OTUD7A: variants seen among roughly 807,000 people sequenced by gnomAD.
OTUD7A encodes OTU deubiquitinase 7A, also known as OTU domain-containing protein 7A.
Under a neutral mutation model 65.7 loss-of-function variants are expected in OTUD7A, and 12 were observed. The ratio of observed to expected loss-of-function variants is 0.18; its 90% CI spans 0.12 to 0.30. The LOEUF (loss-of-function observed/expected upper bound fraction) is 0.30, where lower values mean the gene tolerates loss of function less well. Ranked by LOEUF, OTUD7A falls within the 10% of genes least tolerant of loss-of-function variation. OTUD7A has a pLI of 1.00. For synonymous variants in OTUD7A, 641 were observed against 586.3 expected, an observed-to-expected ratio of 1.09 and a Z score of -1.35; for missense variants, 1,148 against 1,304.8, an observed-to-expected ratio of 0.88 and a Z score of 1.85.
At chr15:31,620,295 A>G (rs1274873582) in intron 3 of OTUD7A, among the ~76,000 whole-genome samples, 9 of 151,970 alleles carry the variant, frequency 5.9e-5, no homozygotes, top group South Asian at 2.1e-4. Context: ...ATGAGTTAGG[A>G]AGGATTCCCT....
At chr15:31,508,252 T>A (rs977974965) in intron 8 of OTUD7A, among the ~76,000 whole-genome samples, 2 of 152,342 alleles carry the variant, frequency 1.3e-5, no homozygotes, top group East Asian at 3.9e-4. Flanking sequence ...AGTGGGTCCT[T>A]TTTTTCTTGG....
intron 1 of OTUD7A, among the ~76,000 whole-genome samples, chr15:31,702,825 A>C (rs1893243796): frequency 6.6e-6 from 1 of 151,184 alleles, no homozygotes; most frequent in African/African-American, 2.4e-5. Flanking sequence ...TAAAGTGAGA[A>C]GAATCAATCT....
At chr15:31,502,919 G>A (rs532491875) in intron 9 of OTUD7A, among the ~76,000 whole-genome samples, 2 of 152,328 alleles carry the variant, frequency 1.3e-5, no homozygotes, top group South Asian at 2.1e-4. Context: ...GTGATTTAGC[G>A]TGAAGAGCCA....
In OTUD7A at chr15:31,484,259, C is replaced by A; in HGVS notation, c.1837G>T (p.Gly613Trp). The A allele has an allele frequency of 6.3e-7, 1 of 1,596,254 alleles. No homozygotes were observed. Among genetic ancestry groups the A allele is most frequent in the Non-Finnish European group, 8.5e-7 (1 of 1,174,404 alleles). ...TACTTCCAGGCGTCGCCCCGCGGCC[C>A]ACCGCCCTTCTCCGCCGGCGACGCG... ...AGASPAEKGG[G>W]PRGDAWKYST... The change falls in exon 13 of 13, where the codon GGG becomes TGG. Residue 613 changes from glycine (G) to tryptophan (W), a missense_variant. Physicochemically the swap from Gly to Trp is radical, Grantham distance 184. This residue lies in a region of OTUD7A where 842 missense variants were observed against 769.5 expected (regional missense o/e 1.09). Coordinates refer to ENST00000307050, the MANE Select transcript of OTUD7A (RefSeq NM_001382637.1). This position sits in a 1 kb window ranked among gnomAD's most constrained non-coding sequence, Gnocchi z 4.5.
At chr15:31,809,465 T>C (rs556677905) in intron 1 of OTUD7A, among the ~76,000 whole-genome samples, 8 of 152,328 alleles carry the variant, frequency 5.3e-5, no homozygotes, top group South Asian at 2.1e-4. Flanking sequence ...CCTGCCTCTA[T>C]TGCAGTTAGT....
intron 4 of OTUD7A, among the ~76,000 whole-genome samples, chr15:31,561,683 T>C (rs1888693463): frequency 1.3e-5 from 2 of 152,130 alleles, no homozygotes; most frequent in African/African-American, 4.8e-5. Flanking sequence ...ATAGATTGCG[T>C]TGAAGATCAT....
At chr15:31,823,484 T>C (rs992237341) in intron 1 of OTUD7A, among the ~76,000 whole-genome samples, 2 of 152,240 alleles carry the variant, frequency 1.3e-5, no homozygotes, top group Non-Finnish European at 2.9e-5. Flanking sequence ...TTAAAAGAGC[T>C]AAAATTACTC....
chr15:31,757,181 C>T (rs77385598), intron 1 of OTUD7A, among the ~76,000 whole-genome samples: 192 of 152,220 alleles, frequency 1.3e-3, no homozygotes, highest in African/African-American at 4.5e-3. Context: ...TAATCCTGCA[C>T]CTCCTGGTGC....
intron 8 of OTUD7A, among the ~76,000 whole-genome samples, chr15:31,510,028 G>C: frequency 6.9e-6 from 1 of 145,884 alleles, no homozygotes; most frequent in South Asian, 2.1e-4. Flanking sequence ...TGCGGCGCAG[G>C]CTGGGCAAGG....
chr15:31,659,033 GAATGAATGAATAAATAAATA>G (rs1458691820), intron 1 of OTUD7A, among the ~76,000 whole-genome samples: 2 of 113,792 alleles, frequency 1.8e-5, no homozygotes, highest in African/African-American at 8.1e-5. Context: ...ATGAATGAAT[GAATGAATGAATAAATAAATA>G]AATAAATAAA....
chr15:31,696,120 G>T (rs1425153611), intron 1 of OTUD7A, among the ~76,000 whole-genome samples: 2 of 150,882 alleles, frequency 1.3e-5, no homozygotes, highest in Non-Finnish European at 3.0e-5. Context: ...GTAGCTGTGG[G>T]TGTGAGTGAC....
intron 6 of OTUD7A, 116 bp from the exon 7 acceptor site, chr15:31,527,424 A>T (rs892823996): frequency 7.4e-7 from 1 of 1,356,754 alleles, no homozygotes; most frequent in East Asian, 2.3e-5. Context: ...CACGCAGAAC[A>T]GCCTCCTTAC....
At chr15:31,562,985 ACT>A (rs1888742500) in intron 4 of OTUD7A, among the ~76,000 whole-genome samples, 1 of 152,118 alleles carries the variant, frequency 6.6e-6, no homozygotes, top group African/African-American at 2.4e-5. Context: ...TAATTCAGAA[ACT>A]CTGTAATTCA....
chr15:31,484,409 A>C lies in OTUD7A; in HGVS notation c.1687T>G (p.Ser563Ala). 1 of 1,601,734 alleles carries C rather than the reference A, an allele frequency of 6.2e-7. No individual in the cohort carries two copies. The highest frequency in any genetic ancestry group is 1.3e-5 in the African/African-American group (1 of 74,950). ...TTCTTCTCCTTGCCCCGCTCGGCCG[A>C]GTCCCCGTTCTTGCCATTGGCGGAG... ...ANSANGKNGDSAERGKEKKAK... is the reference protein window; with the variant it reads ...ANSANGKNGDAAERGKEKKAK... Residue 563 changes from serine to alanine, a missense_variant, in exon 13 of 13, where the codon TCG becomes GCG. Transcript: ENST00000307050. The surrounding 1 kb of genome is among the most constrained non-coding windows in gnomAD (Gnocchi z 4.5).
chr15:31,812,190 T>C (rs1259030482), intron 1 of OTUD7A, among the ~76,000 whole-genome samples: 7 of 152,076 alleles, frequency 4.6e-5, no homozygotes, highest in East Asian at 1.9e-4. Context: ...CTCCCAAACA[T>C]GTCCTGGACC....
At chr15:31,606,680 C>T (rs1201436649) in intron 3 of OTUD7A, among the ~76,000 whole-genome samples, 3 of 152,184 alleles carry the variant, frequency 2.0e-5, no homozygotes, top group Non-Finnish European at 4.4e-5. Flanking sequence ...GTCTAACGCA[C>T]GACTTCTGTT....
intron 3 of OTUD7A, among the ~76,000 whole-genome samples, chr15:31,636,003 A>C (rs1891329931): frequency 6.6e-6 from 1 of 152,250 alleles, no homozygotes; most frequent in Non-Finnish European, 1.5e-5. Context: ...TGCTGTCTGC[A>C]TCAGTCCTTT....
At chr15:31,685,489 AAAAAAC>A (rs1300191433) in intron 1 of OTUD7A, among the ~76,000 whole-genome samples, 2 of 151,840 alleles carry the variant, frequency 1.3e-5, no homozygotes, top group African/African-American at 4.8e-5. Flanking sequence ...ACTGAAAAAA[AAAAAAC>A]AAAAAACAAA....
At chr15:31,745,575 C>T (rs1320064319) in intron 1 of OTUD7A, among the ~76,000 whole-genome samples, 1 of 152,144 alleles carries the variant, frequency 6.6e-6, no homozygotes, top group Non-Finnish European at 1.5e-5. Flanking sequence ...AAACCTACAA[C>T]TATAACCTTT....
Sources: allele counts gnomAD v4.1 joint callset (sites outside exome capture counted in the v4.1 genomes callset), GRCh38; gene constraint gnomAD v4.1.1; regional missense constraint gnomAD v4.1.1; non-coding constraint Gnocchi (gnomAD v3.1); transcripts MANE v1.5; gene names NCBI Gene and HGNC (gene_info 2026-07-23, HGNC 2026-07-21).